Variants in ALK observed in about 807,000 individuals in gnomAD.
The protein encoded by ALK is ALK receptor tyrosine kinase.
ALK carries 74 observed loss-of-function variants against 163.1 expected under a neutral mutation model. The ratio of observed to expected loss-of-function variants is 0.45; its 90% CI spans 0.38 to 0.55. The LOEUF is 0.55. ALK is among the 20% of genes least tolerant of loss of function. The probability of loss-of-function intolerance (pLI) is 0.00; values close to 1 mark genes in which losing one functional copy is unlikely to be tolerated. For missense variants in ALK, 2,063 were observed against 2,105.3 expected (o/e 0.98, Z 0.39); for synonymous variants, 960 against 843.2 (o/e 1.14, Z -2.40).
intron 4 of ALK, among the ~76,000 whole-genome samples, chr2:29,496,096 C>T (rs1672014687): frequency 6.6e-6 from 1 of 152,096 alleles, no homozygotes; most frequent in African/African-American, 2.4e-5. Context: ...TAGACTATAG[C>T]CATGTAGGGA....
Position 29,275,413 on chromosome 2 carries a change from C to T in ALK, c.1901G>A (p.Cys634Tyr). ...AFDNISISLD[C>Y]YLTISGEDKI... ...CAGAGTGAACTCACTGGTGAGGTAG[C>T]AGTCCAGGCTGATGGAGATATTGTC... Residue 634 changes from cysteine (C) to tyrosine (Y), a missense_variant, in exon 10 of 29, where the codon TGC becomes TAC. Around this residue, in one of 5 missense-constraint regions of ALK, gnomAD observed 987 missense variants for 939.5 expected, o/e 1.05. Coordinates refer to ENST00000389048, the MANE Select transcript of ALK (RefSeq NM_004304.5). The T allele has an allele frequency of 6.2e-7, 1 of 1,614,114 alleles. No homozygotes were observed. The highest frequency in any genetic ancestry group is 8.5e-7 in the Non-Finnish European group (1 of 1,180,004).
At chr2:29,677,466 AG>A (rs1263091910) in intron 3 of ALK, among the ~76,000 whole-genome samples, 1 of 152,038 alleles carries the variant, frequency 6.6e-6, no homozygotes, top group African/African-American at 2.4e-5. Context: ...TTCTATTCCT[AG>A]TACATAGAGA....
intron 24 of ALK, among the ~76,000 whole-genome samples, chr2:29,212,528 G>A (rs1330534431): frequency 6.6e-6 from 1 of 152,158 alleles, no homozygotes; most frequent in Non-Finnish European, 1.5e-5. Flanking sequence ...AGGGAGAACT[G>A]AAGGCTAAAA....
chr2:29,857,821 G>A (rs1186043066), intron 1 of ALK, among the ~76,000 whole-genome samples: 1 of 152,176 alleles, frequency 6.6e-6, no homozygotes, highest in Non-Finnish European at 1.5e-5. Context: ...CAAGTGTTAG[G>A]GCTAGAAGTG....
chr2:29,841,546 C>T (rs1665699474), intron 1 of ALK, among the ~76,000 whole-genome samples: 1 of 152,136 alleles, frequency 6.6e-6, no homozygotes, highest in African/African-American at 2.4e-5. Flanking sequence ...TTGATGTCTT[C>T]CACCAAATTT....
At chr2:29,453,680 G>A (rs1449994447) in intron 4 of ALK, among the ~76,000 whole-genome samples, 7 of 152,134 alleles carry the variant, frequency 4.6e-5, no homozygotes, top group Non-Finnish European at 1.0e-4. Context: ...AATGAAGAAG[G>A]AAAGATGGAA....
intron 4 of ALK, among the ~76,000 whole-genome samples, chr2:29,415,454 GT>G (rs1467142073): frequency 6.6e-6 from 1 of 151,964 alleles, no homozygotes; most frequent in Non-Finnish European, 1.5e-5. Context: ...ACCTAGCCTG[GT>G]ATGCTCTCCT....
chr2:29,919,262 C>T (rs977527168), intron 1 of ALK, among the ~76,000 whole-genome samples: 4 of 152,112 alleles, frequency 2.6e-5, no homozygotes, highest in Non-Finnish European at 4.4e-5. Flanking sequence ...GGAAAACCAA[C>T]GATGGTTTCT....
At position 29,920,252 on chromosome 2, in the gene ALK, C is replaced by G. The variant is rs1667954474; in HGVS notation, c.408G>C (p.Arg136=). The change falls in exon 1 of 29, where the codon CGG becomes CGC. Residue 136 remains arginine, a synonymous_variant. Coordinates refer to ENST00000389048, the MANE Select transcript of ALK (RefSeq NM_004304.5). ...GCTCCAGCACCAACTGCTTGGCACG[C>G]CGGAGCTTGCGCACGGAGCCGCCCT... ...VLKGGSVRKL[R]RAKQLVLELG... is the part of the protein sequence containing the mutation. The G allele has an allele frequency of 3.1e-6, 5 of 1,606,974 alleles. No homozygotes were observed. The highest frequency in any genetic ancestry group is 3.4e-6 in the Non-Finnish European group (4 of 1,177,384).
At chr2:29,880,498 A>C (rs1242774254) in intron 1 of ALK, among the ~76,000 whole-genome samples, 2 of 152,164 alleles carry the variant, frequency 1.3e-5, no homozygotes, top group Non-Finnish European at 2.9e-5. Flanking sequence ...CTTTGGACCA[A>C]ATTAAAAGCC....
chr2:29,508,302 A>G (rs1284333693), intron 4 of ALK, among the ~76,000 whole-genome samples: 1 of 152,198 alleles, frequency 6.6e-6, no homozygotes, highest in East Asian at 1.9e-4. Flanking sequence ...AGAGCAGTAT[A>G]GGCGTCAGCT....
chr2:29,487,771 A>G (rs1671811484), intron 4 of ALK, among the ~76,000 whole-genome samples: 1 of 152,124 alleles, frequency 6.6e-6, no homozygotes, highest in Non-Finnish European at 1.5e-5. Flanking sequence ...TTTACCACCC[A>G]TTTACTGAGC....
At chr2:29,309,049 T>C (rs754449122) in intron 8 of ALK, among the ~76,000 whole-genome samples, 1 of 152,182 alleles carries the variant, frequency 6.6e-6, no homozygotes. Flanking sequence ...TCAGTTTCTC[T>C]GTGTATGATG....
intron 1 of ALK, among the ~76,000 whole-genome samples, chr2:29,863,177 A>C (rs1027579001): frequency 2.0e-5 from 3 of 152,192 alleles, no homozygotes; most frequent in African/African-American, 7.2e-5. Flanking sequence ...GAAAACATAG[A>C]GGAAAAGCTT....
chr2:29,544,589 C>G (rs1389884306), intron 3 of ALK, among the ~76,000 whole-genome samples: 1 of 152,062 alleles, frequency 6.6e-6, no homozygotes, highest in Non-Finnish European at 1.5e-5. Context: ...AAAGGAGAAA[C>G]AACATATCCT....
intron 3 of ALK, among the ~76,000 whole-genome samples, chr2:29,677,910 G>T (rs1319068266): frequency 1.3e-5 from 2 of 152,018 alleles, no homozygotes; most frequent in African/African-American, 4.8e-5. Context: ...AGGCACCTGG[G>T]TCTGGACTTT....
At chr2:29,658,370 T>C (rs1426616937) in intron 3 of ALK, among the ~76,000 whole-genome samples, 2 of 152,112 alleles carry the variant, frequency 1.3e-5, no homozygotes, top group African/African-American at 2.4e-5. Flanking sequence ...ACTACCTGCA[T>C]GGAAAGCTGG....
chr2:29,828,697 A>C (rs1481834353), intron 1 of ALK, among the ~76,000 whole-genome samples: 1 of 152,156 alleles, frequency 6.6e-6, no homozygotes, highest in Non-Finnish European at 1.5e-5. Flanking sequence ...AGAAATAGGA[A>C]CACTTTTACA....
chr2:29,608,510 G>A (rs528550265), intron 3 of ALK, among the ~76,000 whole-genome samples: 2 of 152,342 alleles, frequency 1.3e-5, no homozygotes, highest in African/African-American at 2.4e-5. Flanking sequence ...TAGTGGCAGA[G>A]CTGACATCAG....
Sources: gnomAD v4.1 joint callset for allele counts (sites outside exome capture counted in the v4.1 genomes callset) on GRCh38, gnomAD v4.1.1 for gene constraint, gnomAD v4.1.1 regional missense constraint, MANE v1.5 for transcripts, NCBI Gene and HGNC (gene_info 2026-07-23, HGNC 2026-07-21) for gene names.